AAK1: variants seen among roughly 807,000 people sequenced by gnomAD.
AAK1 encodes AP2-associated protein kinase 1.
A neutral mutation model predicts 116.0 loss-of-function variants in AAK1; 37 were observed. The observed-to-expected ratio is 0.32, with a 90% CI of 0.25 to 0.42. The LOEUF (loss-of-function observed/expected upper bound fraction) is 0.42, where lower values mean the gene tolerates loss of function less well. Among genes scored for constraint, AAK1 ranks in the 10% least tolerant of loss-of-function variants. AAK1 has a pLI of 1.00. For synonymous variants in AAK1, 458 were observed against 439.9 expected, an observed-to-expected ratio of 1.04 and a Z score of -0.51; for missense variants, 919 against 1,170.6, an observed-to-expected ratio of 0.79 and a Z score of 3.14.
chr2:69,524,459 G>A (rs1669930566), intron 10 of AAK1, among the ~76,000 whole-genome samples: 1 of 151,074 alleles, frequency 6.6e-6, no homozygotes, highest in South Asian at 2.1e-4. Flanking sequence ...TTTTGAGATG[G>A]AGTCTTGCTC....
At chr2:69,477,510 T>C (rs1327415123) in intron 20 of AAK1, among the ~76,000 whole-genome samples, 1 of 150,828 alleles carries the variant, frequency 6.6e-6, no homozygotes, top group Non-Finnish European at 1.5e-5. Context: ...CTGAAACAAC[T>C]CAGAAGCCTC....
At chr2:69,607,826 T>C (rs1673876227) in intron 2 of AAK1, among the ~76,000 whole-genome samples, 2 of 152,068 alleles carry the variant, frequency 1.3e-5, no homozygotes, top group Non-Finnish European at 2.9e-5. Context: ...TGAACAGACA[T>C]ATGTGCTACA....
intron 17 of AAK1, among the ~76,000 whole-genome samples, chr2:69,487,420 A>T (rs1439629042): frequency 6.6e-6 from 1 of 152,222 alleles, no homozygotes; most frequent in Non-Finnish European, 1.5e-5. Context: ...GAGAGTGGTG[A>T]ATGTAGGAAA....
intron 2 of AAK1, among the ~76,000 whole-genome samples, chr2:69,572,009 G>T (rs1200989426): frequency 2.0e-5 from 3 of 152,164 alleles, no homozygotes; most frequent in African/African-American, 7.2e-5. Flanking sequence ...CATATCAGAT[G>T]AAATAAAAGC....
chr2:69,460,320 T>A lies in AAK1; in HGVS notation c.*15549A>T, dbSNP rs1674308740. 6.6e-6 allele frequency: 1 copy of A among 152,632 alleles called. No homozygotes were observed. The highest frequency in any genetic ancestry group is 2.4e-5 in the African/African-American group (1 of 41,420). The allele number at this position is 152,632 out of a possible 1,614,324, so 9.5% of individuals were successfully genotyped here. Reference sequence around the variant, plus strand: ...TTCTCTAATTTCCTACAATAAAATTTCCTATGTGATATACTGCATATATAT... The same window carrying A: ...TTCTCTAATTTCCTACAATAAAATTACCTATGTGATATACTGCATATATAT... On this transcript the variant is annotated 3_prime_UTR_variant, in exon 22 of 22. Coordinates refer to ENST00000409085, the MANE Select transcript of AAK1 (RefSeq NM_014911.5).
chr2:69,527,654 G>A (rs910413540), intron 8 of AAK1, among the ~76,000 whole-genome samples: 2 of 152,056 alleles, frequency 1.3e-5, no homozygotes, highest in African/African-American at 4.8e-5. Flanking sequence ...GTCTTACCAT[G>A]GGCTTCCTTG....
In AAK1 at chr2:69,526,033, C is replaced by T. The variant is rs143063869; in HGVS notation, c.976-921G>A. On this transcript the variant is annotated intron_variant, in intron 9 of 21. Transcript: ENST00000409085. Reference sequence around the variant, plus strand: ...TGGGGGGAGATTTTCTGCTAGAAAACTTCTAGCACTTCCTCTTCTTCAAGC... The same window carrying T: ...TGGGGGGAGATTTTCTGCTAGAAAATTTCTAGCACTTCCTCTTCTTCAAGC... Among the ~76,000 whole-genome samples, 687 of 152,230 alleles carry T rather than the reference C, an allele frequency of 4.5e-3. 3 individuals are homozygous for T. Among genetic ancestry groups the T allele is most frequent in the African/African-American group, 0.014 (570 of 41,526 alleles).
At chr2:69,629,728 A>C (rs1217836926) in intron 2 of AAK1, among the ~76,000 whole-genome samples, 1 of 152,212 alleles carries the variant, frequency 6.6e-6, no homozygotes, top group Non-Finnish European at 1.5e-5. Context: ...CATCCAGTTA[A>C]TTCATTCTCC....
intron 2 of AAK1, among the ~76,000 whole-genome samples, chr2:69,571,446 T>C (rs1208187833): frequency 1.3e-5 from 2 of 152,186 alleles, no homozygotes; most frequent in Non-Finnish European, 2.9e-5. Flanking sequence ...TGCTGTTGGG[T>C]TCTGGGAGGT....
At chr2:69,507,627 A>C (rs555806465) in intron 14 of AAK1, 49 bp from the exon 15 acceptor site, 23 of 1,480,494 alleles carry the variant, frequency 1.6e-5, no homozygotes, top group Non-Finnish European at 1.8e-5. Context: ...AAAGTTGAAC[A>C]AAACAAAAAG....
In AAK1 at chr2:69,466,812, C is replaced by T. The variant is rs544275297; in HGVS notation, c.*9057G>A. The T allele has an allele frequency of 8.8e-5, 87 of 985,366 alleles. No homozygotes were observed. The South Asian group carries it at 3.4e-3, about 38-fold the overall frequency. 61.0% of individuals were successfully genotyped at this position (985,366 alleles called of 1,614,324 possible). Reference sequence around the variant, plus strand: ...AGATGTTAGGCACACAGACATTCAGCGTAACTATGCAATGCTCCTACACAC... The same window carrying T: ...AGATGTTAGGCACACAGACATTCAGTGTAACTATGCAATGCTCCTACACAC... On this transcript the variant is annotated 3_prime_UTR_variant, in exon 22 of 22. Coordinates refer to ENST00000409085, the MANE Select transcript of AAK1 (RefSeq NM_014911.5).
chr2:69,637,396 C>A (rs1208590435), intron 2 of AAK1, among the ~76,000 whole-genome samples: 1 of 152,146 alleles, frequency 6.6e-6, no homozygotes, highest in Admixed American at 6.5e-5. Context: ...TCTCATTTAT[C>A]TCCGCATGAT....
intron 10 of AAK1, among the ~76,000 whole-genome samples, chr2:69,522,391 C>G (rs974221298): frequency 1.3e-5 from 2 of 152,184 alleles, no homozygotes; most frequent in Admixed American, 6.5e-5. Context: ...GAGGGATGCT[C>G]TTGTGCCGGT....
In AAK1 at chr2:69,470,050, T is replaced by A; in HGVS notation, c.*5819A>T. ...GGTTTCCCCTGGAAACTCCATCTGATTGACATAGTGAGGGCCATCAGAATG... is the reference window on the plus strand; with the variant it reads ...GGTTTCCCCTGGAAACTCCATCTGAATGACATAGTGAGGGCCATCAGAATG... On this transcript the variant is annotated 3_prime_UTR_variant, in exon 22 of 22. Coordinates refer to ENST00000409085, the MANE Select transcript of AAK1 (RefSeq NM_014911.5). The A allele has an allele frequency of 1.0e-6, 1 of 985,452 alleles. No individual in the cohort carries two copies. The highest frequency in any genetic ancestry group is 1.2e-6 in the Non-Finnish European group (1 of 829,940). The allele number at this position is 985,452 out of a possible 1,614,324, so 61.0% of individuals were successfully genotyped here.
chr2:69,473,023 T>TCATAGCCC lies in AAK1; in HGVS notation c.*2838_*2845dup. The TCATAGCCC allele has an allele frequency of 1.0e-6, 1 of 972,490 alleles. No individual in the cohort carries two copies. The highest frequency in any genetic ancestry group is 1.2e-6 in the Non-Finnish European group (1 of 817,784). The allele number at this position is 972,490 out of a possible 1,614,324, so 60.2% of individuals were successfully genotyped here. On this transcript the variant is annotated 3_prime_UTR_variant, in exon 22 of 22. Coordinates refer to ENST00000409085, the MANE Select transcript of AAK1 (RefSeq NM_014911.5). ...AGAACATCAGGATTATATAAATCCT[T>TCATAGCCC]CATAGCCCTTCTCAATATAATAATA... is the stretch of plus-strand genomic sequence containing the variant.
intron 2 of AAK1, among the ~76,000 whole-genome samples, chr2:69,575,020 CAA>C (rs1553417497): frequency 2.0e-4 from 15 of 76,810 alleles, no homozygotes; most frequent in African/African-American, 2.2e-4. Flanking sequence ...AAAAAGACTA[CAA>C]AAAAAAAAAA....
At position 69,470,304 on chromosome 2, in the gene AAK1, C is replaced by T; in HGVS notation, c.*5565G>A. The T allele has an allele frequency of 3.0e-6, 3 of 985,440 alleles. No homozygotes were observed. The highest frequency in any genetic ancestry group is 3.6e-6 in the Non-Finnish European group (3 of 829,934). The allele number at this position is 985,440 out of a possible 1,614,324, so 61.0% of individuals were successfully genotyped here. On this transcript the variant is annotated 3_prime_UTR_variant, in exon 22 of 22. Transcript: ENST00000409085. Reference sequence around the variant, plus strand: ...GTAAACAGAAAGCAAAATATCCCTTCACAAGAACTTGGAAATGCAGCAGCA... The same window carrying T: ...GTAAACAGAAAGCAAAATATCCCTTTACAAGAACTTGGAAATGCAGCAGCA...
chr2:69,465,860 A>G lies in AAK1; in HGVS notation c.*10009T>C. ...ACTGAGCTTGGACAGAGGTGTACAC[A>G]GCTCTCTCACGGCCCGCGGGCAGGG... is the stretch of plus-strand genomic sequence containing the variant. On this transcript the variant is annotated 3_prime_UTR_variant, in exon 22 of 22. Coordinates refer to ENST00000409085, the MANE Select transcript of AAK1 (RefSeq NM_014911.5). 7.7e-7 allele frequency: 1 copy of G among 1,290,866 alleles called. No homozygotes were observed. The highest frequency in any genetic ancestry group is 1.0e-6 in the Non-Finnish European group (1 of 988,880). 80.0% of individuals were successfully genotyped at this position (1,290,866 alleles called of 1,614,324 possible).
Position 69,470,316 on chromosome 2 carries a change from G to C in AAK1, c.*5553C>G, listed in dbSNP as rs1674632921. Reference sequence around the variant, plus strand: ...CAAAATATCCCTTCACAAGAACTTGGAAATGCAGCAGCAATTGAAACGTAA... The same window carrying C: ...CAAAATATCCCTTCACAAGAACTTGCAAATGCAGCAGCAATTGAAACGTAA... On this transcript the variant is annotated 3_prime_UTR_variant, in exon 22 of 22. Coordinates refer to ENST00000409085, the MANE Select transcript of AAK1 (RefSeq NM_014911.5). 1 of 985,276 alleles carries C rather than the reference G, an allele frequency of 1.0e-6. No individual in the cohort carries two copies. Among genetic ancestry groups the C allele is most frequent in the African/African-American group, 1.7e-5 (1 of 57,218 alleles). 61.0% of individuals were successfully genotyped at this position (985,276 alleles called of 1,614,324 possible).
Sources: gnomAD v4.1 joint callset for allele counts (sites outside exome capture counted in the v4.1 genomes callset) on GRCh38, gnomAD v4.1.1 for gene constraint, MANE v1.5 for transcripts, NCBI Gene and HGNC (gene_info 2026-07-23, HGNC 2026-07-21) for gene names.